Variants in EMSY observed in about 807,000 individuals in gnomAD.
EMSY encodes the protein EMSY transcriptional repressor, BRCA2 interacting, also known as BRCA2-interacting transcriptional repressor EMSY.
A neutral mutation model predicts 134.6 loss-of-function variants in EMSY; 26 were observed. That is an observed-to-expected ratio of 0.19 (90% CI 0.14 to 0.27). The LOEUF (loss-of-function observed/expected upper bound fraction) is 0.27, where lower values mean the gene tolerates loss of function less well. EMSY is among the 10% of genes least tolerant of loss of function. EMSY has a pLI of 1.00. For synonymous variants in EMSY, 579 were observed against 577.8 expected (o/e 1.00, Z -0.03); for missense variants, 1,305 against 1,611.4 (o/e 0.81, Z 3.26).
Position 76,483,864 on chromosome 11 carries a change from T to C in EMSY, c.1108+11024T>C, listed in dbSNP as rs529215327. Among the ~76,000 whole-genome samples the C allele has an allele frequency of 3.3e-5, 5 of 152,302 alleles. No individual in the cohort carries two copies. The South Asian group carries it at 8.3e-4, about 25-fold the overall frequency. ...ACGAGACAGAAAATTAACAAGGATA[T>C]TCAGGACTTGAACTCAGCCTTGGAC... On this transcript the variant is annotated intron_variant, in intron 8 of 20. Transcript: ENST00000334736.
At chr11:76,472,058 CTTTTTT>C (rs386755148) in intron 7 of EMSY, among the ~76,000 whole-genome samples, 60,820 of 151,918 alleles carry the variant, frequency 0.4, 12,549 homozygotes, top group South Asian at 0.51. Flanking sequence ...TCCTACCATA[CTTTTTT>C]GTCTCTTCCA....
At chr11:76,455,754 T>G (rs1346091544) in intron 4 of EMSY, among the ~76,000 whole-genome samples, 1 of 152,230 alleles carries the variant, frequency 6.6e-6, no homozygotes, top group Non-Finnish European at 1.5e-5. Flanking sequence ...AGTAGTTTGA[T>G]ACTCTTAATT....
chr11:76,484,143 A>G (rs1485344709), intron 8 of EMSY, among the ~76,000 whole-genome samples: 1 of 152,248 alleles, frequency 6.6e-6, no homozygotes, highest in African/African-American at 2.4e-5. Context: ...CTGCTCCTGA[A>G]TGACTACTGG....
chr11:76,509,851 T>C (rs186195055), intron 9 of EMSY, among the ~76,000 whole-genome samples: 12 of 152,348 alleles, frequency 7.9e-5, no homozygotes, highest in Non-Finnish European at 1.5e-4. Context: ...TTATTCACTC[T>C]AACTTTTTAT....
intron 8 of EMSY, among the ~76,000 whole-genome samples, chr11:76,478,063 C>T (rs961467793): frequency 3.3e-5 from 5 of 152,174 alleles, no homozygotes; most frequent in African/African-American, 1.2e-4. Flanking sequence ...CTGCTGTCTG[C>T]ACTTTATATA....
At chr11:76,494,717 TCC>T (rs1386446983) in intron 8 of EMSY, among the ~76,000 whole-genome samples, 24 of 116,612 alleles carry the variant, frequency 2.1e-4, no homozygotes, top group Non-Finnish European at 5.5e-5. Flanking sequence ...CTTCCTTCCT[TCC>T]TTCCTTCCTT....
chr11:76,488,576 A>G (rs1028759151), intron 8 of EMSY, among the ~76,000 whole-genome samples: 1 of 149,956 alleles, frequency 6.7e-6, no homozygotes, highest in Non-Finnish European at 1.5e-5. Context: ...AGATTCTTAT[A>G]TGGATTGTTA....
chr11:76,473,017 T>C (rs1376255566), intron 8 of EMSY, among the ~76,000 whole-genome samples, 177 bp downstream of exon 9: 2 of 152,234 alleles, frequency 1.3e-5, no homozygotes, highest in African/African-American at 2.4e-5. Context: ...CATTTTCTTA[T>C]ATTAATATGC....
chr11:76,476,146 A>G (rs972340045), intron 8 of EMSY, among the ~76,000 whole-genome samples: 2 of 152,222 alleles, frequency 1.3e-5, no homozygotes, highest in South Asian at 4.1e-4. Context: ...CTGGTAGCCA[A>G]ATCTAGGAGC....
At chr11:76,516,204 C>A (rs755902064) in exon 11 of EMSY, 1 of 1,613,892 alleles carries the variant, frequency 6.2e-7, no homozygotes, top group Non-Finnish European at 8.5e-7. Context: ...GGCTGCAACC[C>A]CTGGAGCTGC....
intron 11 of EMSY, among the ~76,000 whole-genome samples, chr11:76,520,241 G>C (rs887471217): frequency 6.6e-6 from 1 of 150,886 alleles, no homozygotes; most frequent in Non-Finnish European, 1.5e-5. Context: ...TCTGACATTT[G>C]CCCCCCCACC....
chr11:76,481,851 G>A (rs1242948505), intron 8 of EMSY, among the ~76,000 whole-genome samples: 1 of 152,198 alleles, frequency 6.6e-6, no homozygotes, highest in African/African-American at 2.4e-5. Context: ...CTGCCTGCCA[G>A]CTCTGAAGAG....
intron 7 of EMSY, among the ~76,000 whole-genome samples, chr11:76,470,339 AT>A (rs1262530864): frequency 1.3e-5 from 2 of 152,220 alleles, no homozygotes; most frequent in African/African-American, 4.8e-5. Flanking sequence ...CAGAATAAAA[AT>A]GTGATACTAC....
At chr11:76,448,947 A>T (rs773353749) in intron 2 of EMSY, among the ~76,000 whole-genome samples, 1 of 152,224 alleles carries the variant, frequency 6.6e-6, no homozygotes, top group South Asian at 2.1e-4. Flanking sequence ...TCAGTGCTAG[A>T]TAAATGCTTC....
exon 8 of EMSY, chr11:76,472,760 C>A (rs1420804595): frequency 4.1e-5 from 66 of 1,614,044 alleles, no homozygotes; most frequent in Non-Finnish European, 5.6e-5. Flanking sequence ...AGTTCTACAC[C>A]ATCACCTATT....
At chr11:76,544,439 C>G (rs749521969) in exon 19 of EMSY, 25 of 1,613,978 alleles carry the variant, frequency 1.5e-5, no homozygotes, top group Non-Finnish European at 2.1e-5. Context: ...ACAGACTCAG[C>G]TGCAAGTGAA....
intron 7 of EMSY, among the ~76,000 whole-genome samples, chr11:76,471,174 C>G (rs549264835): frequency 2.6e-5 from 4 of 152,214 alleles, no homozygotes; most frequent in African/African-American, 9.6e-5. Context: ...CTTCATTGCC[C>G]TACTGTACTT....
chr11:76,489,972 C>A (rs935783820), intron 8 of EMSY, among the ~76,000 whole-genome samples: 5 of 152,036 alleles, frequency 3.3e-5, no homozygotes, highest in African/African-American at 1.2e-4. Flanking sequence ...TAAAATATAT[C>A]TCTTATGAAC....
chr11:76,483,139 A>G (rs897652359), intron 8 of EMSY, among the ~76,000 whole-genome samples: 2 of 152,220 alleles, frequency 1.3e-5, no homozygotes, highest in African/African-American at 2.4e-5. Flanking sequence ...AGAATTTCAT[A>G]TCCAGCTAAA....
Sources: gnomAD v4.1 joint callset for allele counts (sites outside exome capture counted in the v4.1 genomes callset) on GRCh38, gnomAD v4.1.1 for gene constraint, MANE v1.5 for transcripts, NCBI Gene and HGNC (gene_info 2026-07-23, HGNC 2026-07-21) for gene names.